Variants in NFKB1 observed in about 807,000 individuals in gnomAD.
NFKB1 encodes the protein nuclear factor NF-kappa-B p105 subunit.
A neutral mutation model predicts 105.1 loss-of-function variants in NFKB1; 9 were observed. The ratio of observed to expected loss-of-function variants is 0.09; its 90% CI spans 0.05 to 0.15. The LOEUF is 0.15. NFKB1 is among the 10% of genes least tolerant of loss of function. The pLI, the probability that NFKB1 is intolerant of heterozygous loss-of-function variation, is 1.00. For missense variants in NFKB1, 830 were observed against 1,203.7 expected (o/e 0.69, Z 4.59); for synonymous variants, 440 against 442.2 (o/e 1.00, Z 0.06).
chr4:102,586,806 A>T (rs1725746123), intron 11 of NFKB1, among the ~76,000 whole-genome samples: 1 of 152,178 alleles, frequency 6.6e-6, no homozygotes, highest in Admixed American at 6.5e-5. Context: ...ATCCTTGCTG[A>T]GGTTGGAAAC....
chr4:102,567,006 C>A lies in NFKB1; in HGVS notation c.278C>A (p.Pro93Gln). ...PQVKICNYVG[P>Q]AKVIVQLVTN... ...ATATAGATCTGCAACTATGTGGGAC[C>A]AGCAAAGGTTATTGTTCAGTTGGTC... The change falls in exon 6 of 24, where the codon CCA becomes CAA. Residue 93 changes from proline (P) to glutamine (Q), a missense_variant. This residue lies in a region of NFKB1 where 64 missense variants were observed against 79.9 expected (regional missense o/e 0.80). Coordinates refer to ENST00000226574, the MANE Select transcript of NFKB1 (RefSeq NM_003998.4). 6.2e-7 allele frequency: 1 copy of A among 1,613,884 alleles called. No homozygotes were observed. The highest frequency in any genetic ancestry group is 1.3e-5 in the African/African-American group (1 of 75,014).
chr4:102,577,087 G>A, intron 7 of NFKB1, 48 bp downstream of exon 7: 2 of 1,564,342 alleles, frequency 1.3e-6, no homozygotes, highest in Non-Finnish European at 1.7e-6. Context: ...TCCAGGCTTT[G>A]GTTTTCATCT....
chr4:102,510,881 A>G, intron 1 of NFKB1: 1 of 1,250,202 alleles, frequency 8.0e-7, no homozygotes, highest in Non-Finnish European at 1.0e-6. Flanking sequence ...CCTTCCTAGA[A>G]GGAACACAAC....
chr4:102,510,277 A>G (rs1360878485), intron 1 of NFKB1, among the ~76,000 whole-genome samples: 1 of 152,140 alleles, frequency 6.6e-6, no homozygotes, highest in Non-Finnish European at 1.5e-5. Context: ...AGTTCATCTT[A>G]TTTACTTTTT....
At position 102,578,969 on chromosome 4, in the gene NFKB1, T is replaced by C. The variant is rs546870873; in HGVS notation, c.660T>C (p.Phe220=). 1 of 1,614,158 alleles carries C rather than the reference T, an allele frequency of 6.2e-7. No homozygotes were observed. Among genetic ancestry groups the C allele is most frequent in the South Asian group, 1.1e-5 (1 of 91,084 alleles). Residue 220 remains phenylalanine (F), a synonymous_variant, in exon 8 of 24, where the codon TTT becomes TTC. Coordinates refer to ENST00000226574, the MANE Select transcript of NFKB1 (RefSeq NM_003998.4). ...LSVVRLMFTA[F]LPDSTGSFTR... ...TGGTGCGGCTCATGTTTACAGCTTT[T>C]CTTCCGGATAGCACTGGCAGCTTCA... is the stretch of plus-strand genomic sequence containing the variant.
intron 12 of NFKB1, 108 bp from the exon 13 acceptor site, chr4:102,594,784 G>T: frequency 1.4e-6 from 1 of 717,450 alleles, no homozygotes. Context: ...GCACAATACT[G>T]TCCTGTCACA....
intron 1 of NFKB1, among the ~76,000 whole-genome samples, chr4:102,513,895 C>T (rs771371646): frequency 5.9e-5 from 9 of 151,946 alleles, no homozygotes; most frequent in African/African-American, 9.7e-5. Flanking sequence ...GACTCTGGGC[C>T]GGGCGCGGTG....
Position 102,616,451 on chromosome 4 carries a change from G to A in NFKB1, c.2767G>A (p.Asp923Asn). 6.2e-7 allele frequency: 1 copy of A among 1,614,094 alleles called. No homozygotes were observed. The highest frequency in any genetic ancestry group is 8.5e-7 in the Non-Finnish European group (1 of 1,180,008). ...CCCCTCAGACGAGCTCCGAGACAGT[G>A]ACAGTGTCTGCGACAGCGGCGTGGA... ...RQQIDELRDS[D>N]SVCDSGVETS... is the part of the protein sequence containing the mutation. The change falls in exon 24 of 24, where the codon GAC becomes AAC. Residue 923 changes from aspartate to asparagine, a missense_variant. Asp to Asn is a conservative substitution (Grantham distance 23). Coordinates refer to ENST00000226574, the MANE Select transcript of NFKB1 (RefSeq NM_003998.4).
At chr4:102,535,155 G>A (rs973385046) in intron 4 of NFKB1, among the ~76,000 whole-genome samples, 1 of 152,090 alleles carries the variant, frequency 6.6e-6, no homozygotes, top group Non-Finnish European at 1.5e-5. Context: ...AATTCCCAGT[G>A]AAATTTTATC....
intron 14 of NFKB1, among the ~76,000 whole-genome samples, chr4:102,596,843 C>T (rs1020909753): frequency 1.3e-5 from 2 of 151,844 alleles, no homozygotes; most frequent in South Asian, 2.1e-4. Flanking sequence ...CATCCTAGAT[C>T]GTACTAAGAA....
intron 4 of NFKB1, 66 bp from the exon 5 acceptor site, chr4:102,537,792 C>T (rs4648002): frequency 0.013 from 11,938 of 934,108 alleles, 197 homozygotes; most frequent in African/African-American, 0.067. Flanking sequence ...TTTGTATGTA[C>T]CTTTGTTGCC....
intron 5 of NFKB1, among the ~76,000 whole-genome samples, chr4:102,540,162 C>A (rs1400293060): frequency 6.6e-6 from 1 of 152,064 alleles, no homozygotes; most frequent in Non-Finnish European, 1.5e-5. Context: ...ACTGGCTTGG[C>A]ACAAAAAATA....
chr4:102,538,677 T>A (rs1312086594), intron 5 of NFKB1, among the ~76,000 whole-genome samples: 1 of 152,216 alleles, frequency 6.6e-6, no homozygotes, highest in Non-Finnish European at 1.5e-5. Context: ...TATGAGACTT[T>A]TAATTTCATA....
At chr4:102,502,854 TA>T (rs1415426291) in intron 1 of NFKB1, among the ~76,000 whole-genome samples, 6 of 152,244 alleles carry the variant, frequency 3.9e-5, no homozygotes, top group African/African-American at 1.4e-4. Context: ...ATGGTATTAC[TA>T]AAACATTTAA....
chr4:102,599,572 C>A (rs1726952835), intron 15 of NFKB1, among the ~76,000 whole-genome samples: 1 of 152,178 alleles, frequency 6.6e-6, no homozygotes, highest in Non-Finnish European at 1.5e-5. Flanking sequence ...CTTAGACATT[C>A]ATCTGAATGT....
At chr4:102,612,913 G>C (rs1162088829) in intron 22 of NFKB1, among the ~76,000 whole-genome samples, 1 of 152,126 alleles carries the variant, frequency 6.6e-6, no homozygotes, top group Admixed American at 6.5e-5. Flanking sequence ...TAATCAACGT[G>C]TAGCTTCCTG....
At position 102,597,587 on chromosome 4, in the gene NFKB1, G is replaced by A. The variant is rs774948503; in HGVS notation, c.1563G>A (p.Ala521=). The stretch of plus-strand genomic sequence containing the variant: ...ATGCCAATGCCCTTTTCGACTACGC[G>A]GTGACAGGAGACGTGAAGATGCTGC... ...KRHANALFDY[A]VTGDVKMLLA... Residue 521 remains alanine (A), a synonymous_variant, in exon 15 of 24, where the codon GCG becomes GCA. Transcript: ENST00000226574. 76 of 1,613,838 alleles carry A rather than the reference G, an allele frequency of 4.7e-5. No homozygotes were observed. The Admixed American group carries it at 7.0e-4, about 15-fold the overall frequency.
chr4:102,548,889 C>A (rs1186422850), intron 5 of NFKB1, among the ~76,000 whole-genome samples: 2 of 152,174 alleles, frequency 1.3e-5, no homozygotes, highest in Admixed American at 1.3e-4. Flanking sequence ...CCTATGTGAC[C>A]TCATCTTAAC....
intron 2 of NFKB1, among the ~76,000 whole-genome samples, chr4:102,528,382 C>T (rs995151937): frequency 3.3e-5 from 5 of 152,142 alleles, no homozygotes; most frequent in East Asian, 3.9e-4. Context: ...TGAAGTGAAG[C>T]GCATTCTTTG....
Sources: allele counts gnomAD v4.1 joint callset (sites outside exome capture counted in the v4.1 genomes callset), GRCh38; gene constraint gnomAD v4.1.1; regional missense constraint gnomAD v4.1.1; transcripts MANE v1.5; gene names NCBI Gene and HGNC (gene_info 2026-07-23, HGNC 2026-07-21).